LRRC37A2: variants seen among roughly 807,000 people sequenced by gnomAD.
LRRC37A2 encodes the protein leucine-rich repeat-containing protein 37A2.
LRRC37A2 carries 9 observed loss-of-function variants against 68.8 expected under a neutral mutation model. That is an observed-to-expected ratio of 0.13 (90% CI 0.08 to 0.23). The LOEUF (loss-of-function observed/expected upper bound fraction) is 0.23, where lower values mean the gene tolerates loss of function less well. LRRC37A2 is among the 10% of genes least tolerant of loss of function. The probability of loss-of-function intolerance (pLI) is 1.00; values close to 1 mark genes in which losing one functional copy is unlikely to be tolerated. For missense variants in LRRC37A2, 168 were observed against 950.4 expected (o/e 0.18, Z 10.82); for synonymous variants, 63 against 367.6 (o/e 0.17, Z 9.48).
chr17:46,771,825 G>A, the LRRC37A2 span, among the ~76,000 whole-genome samples: 1 of 144,336 alleles, frequency 6.9e-6, no homozygotes, highest in African/African-American at 2.5e-5. Flanking sequence ...CGGCGGCCGC[G>A]CGGTGGGGGG....
the LRRC37A2 span, among the ~76,000 whole-genome samples, chr17:46,735,201 A>G: frequency 3.3e-5 from 5 of 152,356 alleles, no homozygotes; most frequent in East Asian, 7.7e-4. Context: ...AGAATAAATT[A>G]TAAGATATAT....
the LRRC37A2 span, among the ~76,000 whole-genome samples, chr17:46,736,449 G>T: frequency 2.0e-5 from 3 of 152,182 alleles, no homozygotes; most frequent in Admixed American, 6.5e-5. Context: ...GAGATTTCCT[G>T]TGTCCTTGGG....
At chr17:46,904,512 G>A in the LRRC37A2 span, among the ~76,000 whole-genome samples, 5 of 151,116 alleles carry the variant, frequency 3.3e-5, no homozygotes, top group Non-Finnish European at 5.9e-5. Context: ...GTGGCTGGAC[G>A]GATGATGGAT....
At chr17:46,851,672 C>T in the LRRC37A2 span, 6 of 1,309,780 alleles carry the variant, frequency 4.6e-6, no homozygotes, top group African/African-American at 6.2e-5. The surrounding 1 kb of genome is among the most constrained non-coding windows in gnomAD (Gnocchi z 4.3). Flanking sequence ...CCTGGCCGGG[C>T]TCTGCCTGCT....
At chr17:46,631,082 A>ATACACACACACACACACACACACG in the LRRC37A2 span, among the ~76,000 whole-genome samples, 1 of 142,080 alleles carries the variant, frequency 7.0e-6, no homozygotes, top group African/African-American at 2.8e-5. Flanking sequence ...ACACACACAC[A>ATACACACACACACACACACACACG]CACACACACA....
the LRRC37A2 span, chr17:46,940,577 A>G: frequency 6.2e-7 from 1 of 1,614,206 alleles, no homozygotes; most frequent in Non-Finnish European, 8.5e-7. Context: ...CCTGCCAGAC[A>G]GCACACTTTG....
chr17:46,487,152 C>G, the LRRC37A2 span: 1 of 706,582 alleles, frequency 1.4e-6, no homozygotes, highest in Non-Finnish European at 2.1e-6. Context: ...TGAGTATGCC[C>G]ATTGAGTGAT....
chr17:46,978,980 CG>C, the LRRC37A2 span: 1 of 1,445,290 alleles, frequency 6.9e-7, no homozygotes, highest in Non-Finnish European at 9.0e-7. Context: ...TCCTCCAAGC[CG>C]CTGTGGTTCA....
chr17:46,880,416 A>G, the LRRC37A2 span, among the ~76,000 whole-genome samples: 1 of 152,216 alleles, frequency 6.6e-6, no homozygotes, highest in Non-Finnish European at 1.5e-5. Context: ...ACCAATGATT[A>G]TTTAGGGATC....
At chr17:46,887,535 T>G in the LRRC37A2 span, among the ~76,000 whole-genome samples, 1 of 151,464 alleles carries the variant, frequency 6.6e-6, no homozygotes, top group East Asian at 1.9e-4. Context: ...AAGGCTGAGG[T>G]GGGTGGATCA....
chr17:46,497,688 T>C, the LRRC37A2 span, among the ~76,000 whole-genome samples: 2 of 149,686 alleles, frequency 1.3e-5, no homozygotes, highest in African/African-American at 2.5e-5. Flanking sequence ...TCTACATGCA[T>C]ACATTGTGTA....
chr17:46,539,212 GAAAAAAA>G (rs1166753209), intron 6 of LRRC37A2, among the ~76,000 whole-genome samples: 28 of 40,050 alleles, frequency 7.0e-4, no homozygotes, highest in East Asian at 2.7e-3. Flanking sequence ...CTCCATCTCA[GAAAAAAA>G]AAAAAAAAAA....
At chr17:46,830,357 T>C in the LRRC37A2 span, among the ~76,000 whole-genome samples, 1 of 152,058 alleles carries the variant, frequency 6.6e-6, no homozygotes, top group Non-Finnish European at 1.5e-5. Flanking sequence ...GCTCAAGCAA[T>C]CCTCCCACTT....
the LRRC37A2 span, among the ~76,000 whole-genome samples, chr17:47,022,881 T>C: frequency 2.0e-5 from 3 of 152,268 alleles, no homozygotes; most frequent in Non-Finnish European, 2.9e-5. Context: ...ATGAAATCCC[T>C]GTACATGCTT....
At chr17:46,726,450 G>C in the LRRC37A2 span, 4 of 1,050,920 alleles carry the variant, frequency 3.8e-6, no homozygotes, top group Non-Finnish European at 6.0e-6. Flanking sequence ...GTGTTTTCCT[G>C]TGCTTTGTTT....
chr17:46,718,250 T>C, the LRRC37A2 span, among the ~76,000 whole-genome samples: 1 of 152,132 alleles, frequency 6.6e-6, no homozygotes, highest in Non-Finnish European at 1.5e-5. Flanking sequence ...CTGCATTTCT[T>C]GTCATGCCAC....
At chr17:46,891,653 G>T in the LRRC37A2 span, among the ~76,000 whole-genome samples, 5 of 152,128 alleles carry the variant, frequency 3.3e-5, no homozygotes, top group Non-Finnish European at 4.4e-5. Flanking sequence ...AATTATCACC[G>T]CCATGAAATG....
chr17:46,767,732 T>G, the LRRC37A2 span, among the ~76,000 whole-genome samples: 1 of 152,242 alleles, frequency 6.6e-6, no homozygotes, highest in African/African-American at 2.4e-5. Flanking sequence ...TGTAAAAATG[T>G]TAATCAATTG....
the LRRC37A2 span, among the ~76,000 whole-genome samples, chr17:46,912,839 C>T: frequency 1.7e-4 from 26 of 152,308 alleles, no homozygotes; most frequent in African/African-American, 5.5e-4. Flanking sequence ...CTGTGTGACT[C>T]GGCCCTCTTT....
Sources: gnomAD v4.1 joint callset for allele counts (sites outside exome capture counted in the v4.1 genomes callset) on GRCh38, gnomAD v4.1.1 for gene constraint, Gnocchi (gnomAD v3.1) non-coding constraint, MANE v1.5 for transcripts, NCBI Gene and HGNC (gene_info 2026-07-23, HGNC 2026-07-21) for gene names.